The following PKD1L1 variants were observed in gnomAD, a reference collection of about 807,000 sequenced individuals.
PKD1L1 encodes polycystin-1-like protein 1.
A neutral mutation model predicts 323.4 loss-of-function variants in PKD1L1; 236 were observed. The observed-to-expected ratio is 0.73, with a 90% CI of 0.66 to 0.81. The LOEUF (loss-of-function observed/expected upper bound fraction) is 0.81, where lower values mean the gene tolerates loss of function less well. Among genes scored for constraint, PKD1L1 ranks in the 40% least tolerant of loss-of-function variants. PKD1L1 has a pLI of 0.00. For synonymous variants in PKD1L1, 1,344 were observed against 1,335.0 expected (o/e 1.01, Z -0.15); for missense variants, 3,320 against 3,508.0 (o/e 0.95, Z 1.35).
At chr7:47,957,862 A>ATATATATATATATAT in the PKD1L1 span, among the ~76,000 whole-genome samples, 1,100 of 134,636 alleles carry the variant, frequency 8.2e-3, 11 homozygotes, top group Non-Finnish European at 0.012. Context: ...ATTAAAAAAA[A>ATATATATATATATAT]ATATATATAT....
chr7:47,915,540 T>C lies in PKD1L1; in HGVS notation c.1120A>G (p.Thr374Ala). Residue 374 changes from threonine to alanine, a missense_variant, in exon 8 of 57, where the codon ACA becomes GCA. Transcript: ENST00000289672. Reference sequence around the variant, plus strand: ...TAAACATTTAAAGTTGTATTTTGTGTCTCTGCTTCTTTGTAGGTGGACATA... The same window carrying C: ...TAAACATTTAAAGTTGTATTTTGTGCCTCTGCTTCTTTGTAGGTGGACATA... ...LDMSTYKEAE[T>A]QNTTLNVYLC... The C allele has an allele frequency of 6.4e-7, 1 of 1,559,596 alleles. No individual in the cohort carries two copies. The highest frequency in any genetic ancestry group is 8.8e-7 in the Non-Finnish European group (1 of 1,130,794).
Position 47,807,635 on chromosome 7 carries a change from T to C in PKD1L1, c.7827+612A>G, listed in dbSNP as rs1297964016. On this transcript the variant is annotated intron_variant, in intron 52 of 56. Coordinates refer to ENST00000289672, the MANE Select transcript of PKD1L1 (RefSeq NM_138295.5). The stretch of plus-strand genomic sequence containing the variant: ...ACAGGAAGGCAGCGTCCCATGCTGT[T>C]GTGGGGGGATCCTGCCCCATCTCAT... Among the ~76,000 whole-genome samples the C allele has an allele frequency of 3.3e-5, 5 of 152,236 alleles. No homozygotes were observed. In the East Asian group the frequency reaches 7.8e-4, roughly 24 times the overall value.
At chr7:47,813,485 T>A (rs75130726) in intron 48 of PKD1L1, 192 bp from the exon 49 acceptor site, 2 of 733,154 alleles carry the variant, frequency 2.7e-6, no homozygotes, top group Non-Finnish European at 4.8e-6. Flanking sequence ...AGGATCAAGG[T>A]TCTACCCACA....
intron 7 of PKD1L1, among the ~76,000 whole-genome samples, chr7:47,926,018 T>C (rs1042133260): frequency 6.6e-6 from 1 of 152,208 alleles, no homozygotes; most frequent in African/African-American, 2.4e-5. Flanking sequence ...CCCAACACTT[T>C]GGGAGGCTGA....
intron 45 of PKD1L1, among the ~76,000 whole-genome samples, chr7:47,822,312 C>T (rs921424604): frequency 2.6e-5 from 4 of 151,988 alleles, no homozygotes; most frequent in Non-Finnish European, 4.4e-5. Flanking sequence ...GGTATTTTGC[C>T]GGGCGCAGTA....
intron 31 of PKD1L1, among the ~76,000 whole-genome samples, chr7:47,850,555 C>A (rs1303793236): frequency 2.1e-4 from 30 of 145,998 alleles, no homozygotes; most frequent in African/African-American, 7.5e-4. Context: ...TCGCTTGAAC[C>A]CAGGAGGCAG....
chr7:47,959,991 G>A, the PKD1L1 span, among the ~76,000 whole-genome samples: 2 of 151,470 alleles, frequency 1.3e-5, no homozygotes, highest in East Asian at 2.0e-4. Context: ...AGAAAGAGGT[G>A]GACACGGGAG....
intron 25 of PKD1L1, 143 bp from the exon 26 acceptor site, chr7:47,865,415 C>A: frequency 1.5e-6 from 1 of 675,008 alleles, no homozygotes; most frequent in South Asian, 1.9e-5. Flanking sequence ...GGAGGCCAGA[C>A]CTTCTGTACA....
chr7:47,960,704 A>C, the PKD1L1 span, among the ~76,000 whole-genome samples: 309 of 151,906 alleles, frequency 2.0e-3, 1 homozygote, highest in African/African-American at 7.2e-3. Context: ...AAAAAAAAAA[A>C]AACATGGTCA....
rs922040770 is a variant in PKD1L1, at chr7:47,938,533, T to C, written c.286-1575A>G. On this transcript the variant is annotated intron_variant, in intron 3 of 56. Transcript: ENST00000289672. ...CAGGGCTTTGCAAGACACTATCCTATAACTATGCCCAATCAGCAAACTGCC... is the reference window on the plus strand; with the variant it reads ...CAGGGCTTTGCAAGACACTATCCTACAACTATGCCCAATCAGCAAACTGCC... 2.0e-5 allele frequency among the ~76,000 whole-genome samples: 3 copies of C among 152,184 alleles called. No individual in the cohort carries two copies. The South Asian group carries it at 6.2e-4, about 32-fold the overall frequency.
chr7:47,838,811 G>A (rs1217928268), intron 36 of PKD1L1, among the ~76,000 whole-genome samples: 1 of 142,836 alleles, frequency 7.0e-6, no homozygotes, highest in African/African-American at 2.6e-5. Flanking sequence ...CCGGGAGGCA[G>A]AGGTTGCAGT....
Position 47,905,227 on chromosome 7 carries a change from A to G in PKD1L1, c.1621T>C (p.Tyr541His), listed in dbSNP as rs1219173086. The change falls in exon 11 of 57, where the codon TAT becomes CAT. Residue 541 changes from tyrosine to histidine, a missense_variant. Coordinates refer to ENST00000289672, the MANE Select transcript of PKD1L1 (RefSeq NM_138295.5). ...KETIPLEFEW[Y>H]FGEDPPVRTT... Reference sequence around the variant, plus strand: ...CTCACTGGTGGATCCTCTCCAAAATACCACTCAAATTCCAGGGGTATTGTT... The same window carrying G: ...CTCACTGGTGGATCCTCTCCAAAATGCCACTCAAATTCCAGGGGTATTGTT... 2 of 1,613,998 alleles carry G rather than the reference A, an allele frequency of 1.2e-6. No homozygotes were observed. Among genetic ancestry groups the G allele is most frequent in the African/African-American group, 1.3e-5 (1 of 74,898 alleles).
At chr7:47,795,790 GTAA>G in intron 55 of PKD1L1, among the ~76,000 whole-genome samples, 196 bp downstream of exon 55, 1 of 152,182 alleles carries the variant, frequency 6.6e-6, no homozygotes, top group Admixed American at 6.5e-5. Context: ...AATGTGCTTG[GTAA>G]TCTGTAAAGT....
At chr7:47,908,339 T>C (rs1319482664) in intron 8 of PKD1L1, 89 bp from the exon 9 acceptor site, 1 of 1,238,492 alleles carries the variant, frequency 8.1e-7, no homozygotes, top group Non-Finnish European at 1.1e-6. Context: ...AATGGGGTGA[T>C]TAATATGGGA....
At chr7:47,858,259 A>T (rs1290524101) in intron 27 of PKD1L1, among the ~76,000 whole-genome samples, 1 of 152,222 alleles carries the variant, frequency 6.6e-6, no homozygotes, top group African/African-American at 2.4e-5. Context: ...AGCAGAAATA[A>T]ATGAAATAAA....
At chr7:47,891,027 G>A (rs1173220155) in intron 15 of PKD1L1, among the ~76,000 whole-genome samples, 1 of 152,138 alleles carries the variant, frequency 6.6e-6, no homozygotes, top group Admixed American at 6.5e-5. Flanking sequence ...GCCCCACCAG[G>A]CTTCCTAACC....
chr7:47,852,185 T>A (rs1218323658), intron 31 of PKD1L1, among the ~76,000 whole-genome samples: 1 of 152,130 alleles, frequency 6.6e-6, no homozygotes, highest in Non-Finnish European at 1.5e-5. Flanking sequence ...TGCACACCTG[T>A]ACACATGCAG....
intron 14 of PKD1L1, among the ~76,000 whole-genome samples, chr7:47,895,141 G>A (rs1236460795): frequency 6.6e-6 from 1 of 152,180 alleles, no homozygotes; most frequent in African/African-American, 2.4e-5. Flanking sequence ...AGCTGCTTGG[G>A]GAAGATGCAG....
At chr7:47,799,515 C>T (rs1323933304) in intron 54 of PKD1L1, among the ~76,000 whole-genome samples, 7 of 152,160 alleles carry the variant, frequency 4.6e-5, no homozygotes, top group African/African-American at 1.7e-4. Context: ...AAGGCAGGCA[C>T]ACCAATATGC....
Sources: allele counts gnomAD v4.1 joint callset (sites outside exome capture counted in the v4.1 genomes callset), GRCh38; gene constraint gnomAD v4.1.1; transcripts MANE v1.5; gene names NCBI Gene and HGNC (gene_info 2026-07-23, HGNC 2026-07-21).